Variants in SLC18A2 observed in about 807,000 individuals in gnomAD.
SLC18A2 encodes the protein synaptic vesicular amine transporter.
In SLC18A2, 33 loss-of-function variants were observed where a neutral mutation model predicts 59.2. That is an observed-to-expected ratio of 0.56 (90% CI 0.42 to 0.75). The LOEUF (loss-of-function observed/expected upper bound fraction) is 0.75, where lower values mean the gene tolerates loss of function less well. SLC18A2 is among the 30% of genes least tolerant of loss of function. The pLI, the probability that SLC18A2 is intolerant of heterozygous loss-of-function variation, is 0.00. For missense variants in SLC18A2, 569 were observed against 668.6 expected (o/e 0.85, Z 1.64); for synonymous variants, 228 against 253.5 (o/e 0.90, Z 0.95).
At chr10:117,255,140 A>G in intron 6 of SLC18A2, 137 bp from the exon 7 acceptor site, 5 of 766,276 alleles carry the variant, frequency 6.5e-6, no homozygotes, top group Non-Finnish European at 1.1e-5. Flanking sequence ...CTCTAACCGA[A>G]CAGAACAATA....
chr10:117,254,357 T>C, intron 5 of SLC18A2, 48 bp from the exon 6 acceptor site: 4 of 1,479,626 alleles, frequency 2.7e-6, no homozygotes, highest in Non-Finnish European at 3.7e-6. Flanking sequence ...CATTATTCTT[T>C]TGCTGTTCCC....
intron 3 of SLC18A2, among the ~76,000 whole-genome samples, chr10:117,247,076 G>A (rs962434506): frequency 6.6e-6 from 1 of 152,174 alleles, no homozygotes; most frequent in African/African-American, 2.4e-5. Context: ...GCTTCCCACC[G>A]CAGTTCAGAT....
chr10:117,244,966 A>G (rs994354877), intron 3 of SLC18A2, among the ~76,000 whole-genome samples: 1 of 152,248 alleles, frequency 6.6e-6, no homozygotes, highest in Non-Finnish European at 1.5e-5. Context: ...CTTCAGATGA[A>G]TCAGGCTGTT....
At position 117,274,490 on chromosome 10, in the gene SLC18A2, A is replaced by G. The variant is rs571863941; in HGVS notation, c.1441-2672A>G. On this transcript the variant is annotated intron_variant, in intron 15 of 15. Coordinates refer to ENST00000644641, the MANE Select transcript of SLC18A2 (RefSeq NM_003054.6). ...AGCCAAGAGATGGAAGGCAATTAGG[A>G]ATAAGGTAGTGATGACCGTTCTTTA... Among the ~76,000 whole-genome samples, 3 of 152,182 alleles carry G rather than the reference A, an allele frequency of 2.0e-5. No homozygotes were observed. The East Asian group carries it at 5.8e-4, about 30-fold the overall frequency.
chr10:117,258,178 G>T (rs951572036), intron 10 of SLC18A2, among the ~76,000 whole-genome samples: 3 of 152,150 alleles, frequency 2.0e-5, no homozygotes, highest in Non-Finnish European at 4.4e-5. Flanking sequence ...GGACTAACTG[G>T]ACAGCCATAA....
chr10:117,270,975 G>C (rs908794102), intron 15 of SLC18A2, among the ~76,000 whole-genome samples: 1 of 152,178 alleles, frequency 6.6e-6, no homozygotes, highest in Non-Finnish European at 1.5e-5. Context: ...CACACAGAAC[G>C]ATTTAATTCA....
intron 13 of SLC18A2, 54 bp from the exon 14 acceptor site, chr10:117,270,017 C>T: frequency 6.2e-7 from 1 of 1,601,742 alleles, no homozygotes; most frequent in Non-Finnish European, 8.5e-7. Context: ...GATATTCGGC[C>T]CATTTTGGGT....
At position 117,269,162 on chromosome 10, in the gene SLC18A2, T is replaced by TACACAC. The variant is rs140277762; in HGVS notation, c.1187-907_1187-902dup. ...ACCCACCCACATACATATGCACACA[T>TACACAC]ACACACATACATATACACACATACA... On this transcript the variant is annotated intron_variant, in intron 13 of 15. Transcript: ENST00000644641. The surrounding 1 kb of genome is among the most constrained non-coding windows in gnomAD (Gnocchi z 5.1). 2.0e-5 allele frequency among the ~76,000 whole-genome samples: 3 copies of TACACAC among 150,824 alleles called. No individual in the cohort carries two copies. Among genetic ancestry groups the TACACAC allele is most frequent in the African/African-American group, 7.3e-5 (3 of 40,880 alleles).
chr10:117,259,670 C>G (rs1844272158), intron 10 of SLC18A2, among the ~76,000 whole-genome samples: 1 of 152,216 alleles, frequency 6.6e-6, no homozygotes, highest in African/African-American at 2.4e-5. Context: ...GGCCACTGTT[C>G]TGTTGTCTTC....
At position 117,244,046 on chromosome 10, in the gene SLC18A2, T is replaced by G; in HGVS notation, c.197T>G (p.Val66Gly). 6.2e-7 allele frequency: 1 copy of G among 1,614,196 alleles called. No individual in the cohort carries two copies. Among genetic ancestry groups the G allele is most frequent in the Non-Finnish European group, 8.5e-7 (1 of 1,180,042 alleles). Residue 66 changes from valine (V) to glycine (G), a missense_variant, in exon 3 of 16, where the codon GTG (valine) becomes GGG (glycine). Val to Gly is a moderately radical substitution (Grantham distance 109). This residue lies in a region of SLC18A2 where 377 missense variants were observed against 389.8 expected (regional missense o/e 0.97). Coordinates refer to ENST00000644641, the MANE Select transcript of SLC18A2 (RefSeq NM_003054.6). ...NATEIQTARP[V>G]HTASISDSFQ... ...ACAGAAATCCAGACGGCCAGGCCAG[T>G]GCACACTGCCTCCATCTCAGACAGC...
chr10:117,252,311 A>T (rs1364673807), intron 3 of SLC18A2, among the ~76,000 whole-genome samples: 1 of 151,930 alleles, frequency 6.6e-6, no homozygotes, highest in East Asian at 1.9e-4. Flanking sequence ...AAAGCCTGGA[A>T]TGGAAGAACC....
At chr10:117,253,684 A>G (rs2059885274) in intron 4 of SLC18A2, among the ~76,000 whole-genome samples, 2 of 152,112 alleles carry the variant, frequency 1.3e-5, no homozygotes, top group African/African-American at 4.8e-5. Flanking sequence ...CGTCTCTACT[A>G]AAAATACAAA....
At position 117,263,230 on chromosome 10, in the gene SLC18A2, C is replaced by T. The variant is rs574833851; in HGVS notation, c.992-3503C>T. Among the ~76,000 whole-genome samples, 5 of 152,324 alleles carry T rather than the reference C, an allele frequency of 3.3e-5. No individual in the cohort carries two copies. In the East Asian group the frequency reaches 9.7e-4, roughly 29 times the overall value. ...TCTCTGTAGCTTTCAGCCCATGGCTCCCTGACCCTGGGGATGGGGTACTGT... is the reference window on the plus strand; with the variant it reads ...TCTCTGTAGCTTTCAGCCCATGGCTTCCTGACCCTGGGGATGGGGTACTGT... On this transcript the variant is annotated intron_variant, in intron 10 of 15. Transcript: ENST00000644641.
At chr10:117,263,810 C>T (rs552049430) in intron 10 of SLC18A2, among the ~76,000 whole-genome samples, 2 of 152,308 alleles carry the variant, frequency 1.3e-5, no homozygotes, top group Admixed American at 1.3e-4. Flanking sequence ...CTTCTAGCCC[C>T]TTTGTATTTA....
At chr10:117,267,567 G>A in intron 12 of SLC18A2, 106 bp from the exon 13 acceptor site, 1 of 751,946 alleles carries the variant, frequency 1.3e-6, no homozygotes. Flanking sequence ...TCTTCAGAAG[G>A]GAACAGGCAT....
At chr10:117,273,601 G>GA in intron 15 of SLC18A2, among the ~76,000 whole-genome samples, 1 of 152,204 alleles carries the variant, frequency 6.6e-6, no homozygotes, top group African/African-American at 2.4e-5. Context: ...AGGCTGCTGA[G>GA]ATAGACCACA....
intron 3 of SLC18A2, among the ~76,000 whole-genome samples, chr10:117,246,169 C>A (rs1228328848): frequency 6.6e-6 from 1 of 152,152 alleles, no homozygotes; most frequent in Non-Finnish European, 1.5e-5. Flanking sequence ...TCTGAGAAAG[C>A]AAACAGCTCA....
intron 2 of SLC18A2, chr10:117,242,065 C>T: frequency 2.7e-6 from 1 of 370,162 alleles, no homozygotes; most frequent in Non-Finnish European, 4.8e-6. Flanking sequence ...TTATGTTTCC[C>T]CCTGATAATT....
chr10:117,263,023 G>C (rs1844311440), intron 10 of SLC18A2, among the ~76,000 whole-genome samples: 1 of 152,234 alleles, frequency 6.6e-6, no homozygotes, highest in Admixed American at 6.5e-5. Flanking sequence ...TCAGATTGCT[G>C]TGTGGGGCCT....
Sources: gnomAD v4.1 joint callset for allele counts (sites outside exome capture counted in the v4.1 genomes callset) on GRCh38, gnomAD v4.1.1 for gene constraint, gnomAD v4.1.1 regional missense constraint, Gnocchi (gnomAD v3.1) non-coding constraint, MANE v1.5 for transcripts, NCBI Gene and HGNC (gene_info 2026-07-23, HGNC 2026-07-21) for gene names.